HLCS: variants seen among roughly 807,000 people sequenced by gnomAD.
The protein encoded by HLCS is biotin--protein ligase.
A neutral mutation model predicts 75.0 loss-of-function variants in HLCS; 53 were observed. The observed-to-expected ratio is 0.71, with a 90% CI of 0.57 to 0.89. The LOEUF (loss-of-function observed/expected upper bound fraction) is 0.89. Ranked by LOEUF, HLCS falls within the 40% of genes least tolerant of loss-of-function variation. The probability of loss-of-function intolerance (pLI) is 0.00; values close to 1 mark genes in which losing one functional copy is unlikely to be tolerated. For missense variants in HLCS, 966 were observed against 1,074.0 expected (o/e 0.90, Z 1.41); for synonymous variants, 431 against 428.6 (o/e 1.01, Z -0.07).
chr21:36,981,269 T>C (rs1293843316), intron 1 of HLCS, among the ~76,000 whole-genome samples: 2 of 152,182 alleles, frequency 1.3e-5, no homozygotes, highest in Non-Finnish European at 2.9e-5. Flanking sequence ...GATGGGTTAT[T>C]TGATGAAGGA....
In HLCS at chr21:36,765,138, T is replaced by C; in HGVS notation, c.1995A>G (p.Gly665=). Residue 665 remains glycine (G), a synonymous_variant, in exon 8 of 11, where the codon GGA becomes GGG. Coordinates refer to ENST00000674895, the MANE Select transcript of HLCS (RefSeq NM_001352514.2). ...RGGNVWLSPV[G]CALSTLLISI... is the part of the protein sequence containing the mutation. Reference sequence around the variant, plus strand: ...AGATGAGCAGAGTAGAAAGAGCACATCCCACAGGGCTCAGCCACACATTCC... The same window carrying C: ...AGATGAGCAGAGTAGAAAGAGCACACCCCACAGGGCTCAGCCACACATTCC... 6.2e-7 allele frequency: 1 copy of C among 1,613,946 alleles called. No homozygotes were observed. The highest frequency in any genetic ancestry group is 1.1e-5 in the South Asian group (1 of 91,072).
At chr21:36,775,525 T>C (rs1324302793) in intron 6 of HLCS, among the ~76,000 whole-genome samples, 31 of 152,256 alleles carry the variant, frequency 2.0e-4, no homozygotes, top group Non-Finnish European at 7.3e-5. Context: ...TCTGTGGCTG[T>C]ACCTCAGCGG....
In HLCS at chr21:36,896,978, C is replaced by G. The variant is rs987805504; in HGVS notation, c.1774G>C (p.Ala592Pro). Reference sequence around the variant, plus strand: ...AAGTTGAAATGTTCTGATGAGAAGGCCTCCATGTTGGTCACCACAGGTATA... The same window carrying G: ...AAGTTGAAATGTTCTGATGAGAAGGGCTCCATGTTGGTCACCACAGGTATA... ...SCIPVVTNME[A>P]FSSEHFNLEI... The change falls in exon 6 of 11, where the codon GCC becomes CCC. Residue 592 changes from alanine to proline, a missense_variant. Ala to Pro is a conservative substitution (Grantham distance 27). Coordinates refer to ENST00000674895, the MANE Select transcript of HLCS (RefSeq NM_001352514.2). 4.3e-6 allele frequency: 7 copies of G among 1,614,022 alleles called. No individual in the cohort carries two copies. The highest frequency in any genetic ancestry group is 5.9e-6 in the Non-Finnish European group (7 of 1,180,028).
At chr21:36,763,188 C>G (rs2089911557) in intron 8 of HLCS, among the ~76,000 whole-genome samples, 1 of 152,148 alleles carries the variant, frequency 6.6e-6, no homozygotes, top group South Asian at 2.1e-4. Context: ...CCATGTCTGG[C>G]TACTTTTTGT....
intron 5 of HLCS, among the ~76,000 whole-genome samples, chr21:36,899,449 C>A (rs1012171350): frequency 4.6e-5 from 7 of 152,022 alleles, no homozygotes; most frequent in African/African-American, 1.7e-4. Context: ...CATGGTGAGA[C>A]CCCGTCTCTA....
intron 6 of HLCS, among the ~76,000 whole-genome samples, chr21:36,886,169 G>A (rs2064448054): frequency 6.6e-6 from 1 of 151,758 alleles, no homozygotes; most frequent in Non-Finnish European, 1.5e-5. Context: ...CCGTGGCTCA[G>A]GCCTGTAATC....
rs532487982 is a variant in HLCS, at chr21:36,763,971, C to G, written c.2121+1041G>C. 6.6e-5 allele frequency among the ~76,000 whole-genome samples: 10 copies of G among 152,316 alleles called. No individual in the cohort carries two copies. The East Asian group carries it at 1.9e-3, about 29-fold the overall frequency. On this transcript the variant is annotated intron_variant, in intron 8 of 10. Transcript: ENST00000674895. ...TGGATAAAGGATAGTTCTGTTAGAGCACAGAGTCTGGTAAACAGAAGTAGG... is the reference window on the plus strand; with the variant it reads ...TGGATAAAGGATAGTTCTGTTAGAGGACAGAGTCTGGTAAACAGAAGTAGG...
intron 6 of HLCS, among the ~76,000 whole-genome samples, chr21:36,770,420 T>C (rs923842322): frequency 2.6e-5 from 4 of 152,164 alleles, no homozygotes; most frequent in Admixed American, 2.0e-4. Flanking sequence ...GTGCTGGGAT[T>C]ACAGGTGTAA....
intron 6 of HLCS, among the ~76,000 whole-genome samples, chr21:36,886,073 T>G (rs1306891675): frequency 6.6e-6 from 1 of 152,036 alleles, no homozygotes; most frequent in African/African-American, 2.4e-5. Flanking sequence ...TACTTTTTTT[T>G]TTTTCCTAAA....
intron 6 of HLCS, among the ~76,000 whole-genome samples, chr21:36,865,559 C>T (rs951104929): frequency 1.3e-5 from 2 of 152,184 alleles, no homozygotes; most frequent in South Asian, 4.1e-4. Context: ...CTCCCCAGCT[C>T]CTGCCTCTCC....
chr21:36,960,131 A>ACACCC (rs2068204898), intron 2 of HLCS, among the ~76,000 whole-genome samples: 1 of 77,676 alleles, frequency 1.3e-5, no homozygotes, highest in Non-Finnish European at 2.6e-5. Flanking sequence ...GGAGCCACCC[A>ACACCC]CCCCCCCCCC....
In HLCS at chr21:36,752,780, G is replaced by A. The variant is rs908785866; in HGVS notation, c.*1466C>T. The stretch of plus-strand genomic sequence containing the variant: ...TTTTTCATAGGGCTGTCCTGTGCCT[G>A]GCTAAAGGTAGACAGACTATACTAA... On this transcript the variant is annotated 3_prime_UTR_variant, in exon 11 of 11. Transcript: ENST00000674895. 3.1e-4 allele frequency: 47 copies of A among 152,194 alleles called. 1 individual carries two copies. The highest frequency in any genetic ancestry group is 1.5e-5 in the Non-Finnish European group (1 of 68,032). The allele number at this position is 152,194 out of a possible 1,614,324, so 9.4% of individuals were successfully genotyped here.
Position 36,876,553 on chromosome 21 carries a change from G to A in HLCS, c.1892+20307C>T, listed in dbSNP as rs1470691956. Among the ~76,000 whole-genome samples, 2 of 152,130 alleles carry A rather than the reference G, an allele frequency of 1.3e-5. 1 individual carries two copies. The highest frequency in any genetic ancestry group is 1.3e-4 in the Admixed American group (2 of 15,272). On this transcript the variant is annotated intron_variant, in intron 6 of 10. Coordinates refer to ENST00000674895, the MANE Select transcript of HLCS (RefSeq NM_001352514.2). ...TGTGCTGTTTACTTTCTAAATACTTGTGGGTTTCCTAGATCCATTTTTGTT... is the reference window on the plus strand; with the variant it reads ...TGTGCTGTTTACTTTCTAAATACTTATGGGTTTCCTAGATCCATTTTTGTT...
chr21:36,937,722 T>A (rs1234518782), intron 3 of HLCS, among the ~76,000 whole-genome samples: 1 of 152,176 alleles, frequency 6.6e-6, no homozygotes, highest in African/African-American at 2.4e-5. Context: ...TTCTATTTCT[T>A]GGGTGTTATT....
chr21:36,867,057 T>C (rs934601732), intron 6 of HLCS, among the ~76,000 whole-genome samples: 1 of 152,170 alleles, frequency 6.6e-6, no homozygotes, highest in Non-Finnish European at 1.5e-5. Flanking sequence ...AAGTGTAAAC[T>C]GATATTAATA....
intron 5 of HLCS, among the ~76,000 whole-genome samples, chr21:36,907,937 T>C (rs2065530631): frequency 6.6e-6 from 1 of 151,982 alleles, no homozygotes; most frequent in Non-Finnish European, 1.5e-5. Flanking sequence ...AAAACCACAA[T>C]TAGATACCAC....
chr21:36,972,815 T>G (rs775802879), intron 1 of HLCS, among the ~76,000 whole-genome samples: 1 of 152,196 alleles, frequency 6.6e-6, no homozygotes, highest in Non-Finnish European at 1.5e-5. Flanking sequence ...TATTGAAACA[T>G]CTAAGGGAAT....
intron 6 of HLCS, among the ~76,000 whole-genome samples, chr21:36,793,745 T>C (rs2060943724): frequency 6.6e-6 from 1 of 152,154 alleles, no homozygotes; most frequent in Admixed American, 6.5e-5. Flanking sequence ...TTTACAAGCA[T>C]GTTAGAGATA....
intron 6 of HLCS, 164 bp downstream of exon 6, chr21:36,896,696 T>A: frequency 1.3e-6 from 1 of 746,110 alleles, no homozygotes; most frequent in Non-Finnish European, 2.2e-6. Context: ...TCAATTTCCT[T>A]TCCCACGATT....
Sources: gnomAD v4.1 joint callset for allele counts (sites outside exome capture counted in the v4.1 genomes callset) on GRCh38, gnomAD v4.1.1 for gene constraint, MANE v1.5 for transcripts, NCBI Gene and HGNC (gene_info 2026-07-23, HGNC 2026-07-21) for gene names.